Variants in SMARCC1 observed in about 807,000 individuals in gnomAD.
The protein encoded by SMARCC1 is SWI/SNF complex subunit SMARCC1.
SMARCC1 carries 43 observed loss-of-function variants against 147.4 expected under a neutral mutation model. The observed-to-expected ratio is 0.29, with a 90% CI of 0.23 to 0.38. SMARCC1 has a LOEUF of 0.38. SMARCC1 is among the 10% of genes least tolerant of loss of function. The probability of loss-of-function intolerance (pLI) is 1.00; values close to 1 mark genes in which losing one functional copy is unlikely to be tolerated. For missense variants in SMARCC1, 1,119 were observed against 1,381.1 expected, an observed-to-expected ratio of 0.81 and a Z score of 3.01; for synonymous variants, 495 against 484.4, an observed-to-expected ratio of 1.02 and a Z score of -0.29.
At chr3:47,713,664 A>T (rs1325566616) in intron 8 of SMARCC1, among the ~76,000 whole-genome samples, 1 of 151,942 alleles carries the variant, frequency 6.6e-6, no homozygotes, top group Non-Finnish European at 1.5e-5. Context: ...AAGTGTTGTT[A>T]TTACAGGTGT....
intron 7 of SMARCC1, among the ~76,000 whole-genome samples, chr3:47,715,853 T>G (rs185176712): frequency 6.6e-6 from 1 of 152,152 alleles, no homozygotes; most frequent in Non-Finnish European, 1.5e-5. Flanking sequence ...CTACACAGAT[T>G]GCTCCCTCAC....
In SMARCC1 at chr3:47,708,871, C is replaced by T. The variant is rs1019022268; in HGVS notation, c.918+1812G>A. On this transcript the variant is annotated intron_variant, in intron 9 of 27. Transcript: ENST00000254480. The stretch of plus-strand genomic sequence containing the variant: ...CCCAGGCTGGTCTCAAACTTCTGGG[C>T]TCAAACTATCCTCCTACCTCGGCCT... Among the ~76,000 whole-genome samples, 10 of 152,288 alleles carry T rather than the reference C, an allele frequency of 6.6e-5. No homozygotes were observed. The South Asian group carries it at 1.2e-3, about 19-fold the overall frequency.
At chr3:47,591,050 CTGATTAT>C (rs992756155) in intron 26 of SMARCC1, among the ~76,000 whole-genome samples, 13 of 152,140 alleles carry the variant, frequency 8.5e-5, no homozygotes, top group Non-Finnish European at 2.9e-5. Flanking sequence ...TGTGGAATGA[CTGATTAT>C]TCTAAACACT....
At chr3:47,634,031 T>C in intron 24 of SMARCC1, among the ~76,000 whole-genome samples, 1 of 152,078 alleles carries the variant, frequency 6.6e-6, no homozygotes, top group East Asian at 1.9e-4. Context: ...TAGCCGTCAC[T>C]TAAGCAAGCA....
chr3:47,628,990 A>G, intron 24 of SMARCC1, among the ~76,000 whole-genome samples: 1 of 152,244 alleles, frequency 6.6e-6, no homozygotes, highest in East Asian at 1.9e-4. Flanking sequence ...TTTAATGGAA[A>G]AGGAAAAAGA....
intron 26 of SMARCC1, among the ~76,000 whole-genome samples, chr3:47,593,504 T>A (rs573866941): frequency 6.6e-6 from 1 of 152,286 alleles, no homozygotes; most frequent in African/African-American, 2.4e-5. Flanking sequence ...AATTATATTC[T>A]CTACAGAATA....
intron 10 of SMARCC1, 30 bp from the exon 11 acceptor site, chr3:47,701,432 C>G: frequency 6.2e-7 from 1 of 1,606,218 alleles, no homozygotes; most frequent in Non-Finnish European, 8.5e-7. Flanking sequence ...GAAATATAAA[C>G]AAGACTGATT....
chr3:47,736,377 C>T (rs2034443029), intron 4 of SMARCC1, among the ~76,000 whole-genome samples: 1 of 152,052 alleles, frequency 6.6e-6, no homozygotes, highest in African/African-American at 2.4e-5. Flanking sequence ...GAAGGGATTA[C>T]AGTTAATCTT....
intron 21 of SMARCC1, among the ~76,000 whole-genome samples, chr3:47,657,349 C>T (rs559413549): frequency 3.9e-5 from 6 of 152,236 alleles, no homozygotes; most frequent in African/African-American, 7.2e-5. Flanking sequence ...TTTAAAAATA[C>T]GGAAATCACA....
In SMARCC1 at chr3:47,680,511, G is replaced by A. The variant is rs1227930691; in HGVS notation, c.1386-3C>T. On this transcript the variant is annotated splice_polypyrimidine_tract_variant and splice_region_variant and intron_variant, in intron 14 of 27. Transcript: ENST00000254480. ...CACGCCGTTCAATCACATGAATACT[G>A]AAAAGAAGAAGAAAAAAAGATTTAG... 8.2e-7 allele frequency: 1 copy of A among 1,216,636 alleles called. No individual in the cohort carries two copies. Among genetic ancestry groups the A allele is most frequent in the South Asian group, 1.3e-5 (1 of 78,652 alleles). The allele number at this position is 1,216,636 out of a possible 1,614,324, so 75.4% of individuals were successfully genotyped here. A position where few individuals can be genotyped will look rare whatever the true frequency, so the allele number is the denominator to read the frequency against.
chr3:47,636,068 A>AT lies in SMARCC1; in HGVS notation c.2444dup (p.Asn815LysfsTer2). 3 of 1,608,110 alleles carry AT rather than the reference A, an allele frequency of 1.9e-6. No homozygotes were observed. The highest frequency in any genetic ancestry group is 2.6e-6 in the Non-Finnish European group (3 of 1,175,666). On this transcript the variant is annotated frameshift_variant, in exon 23 of 28. Coordinates refer to ENST00000254480, the MANE Select transcript of SMARCC1 (RefSeq NM_003074.4). LOFTEE classifies it high-confidence loss of function. ...CTTCACTATCCTGTTCCTTTTCACT[A>AT]TTTTTTTCATTTTCTCCATCTTGTG...
chr3:47,597,739 G>T (rs534759469), intron 26 of SMARCC1, among the ~76,000 whole-genome samples: 1 of 152,336 alleles, frequency 6.6e-6, no homozygotes, highest in East Asian at 1.9e-4. Context: ...TGGGACTATG[G>T]GTGTGAGCTA....
At chr3:47,651,811 G>A (rs1365818015) in intron 21 of SMARCC1, among the ~76,000 whole-genome samples, 1 of 152,134 alleles carries the variant, frequency 6.6e-6, no homozygotes, top group Non-Finnish European at 1.5e-5. Flanking sequence ...AAAATATAAA[G>A]GGGAGAAATT....
chr3:47,603,184 G>A (rs952126596), intron 26 of SMARCC1, among the ~76,000 whole-genome samples: 14 of 152,256 alleles, frequency 9.2e-5, no homozygotes, highest in South Asian at 2.1e-4. Flanking sequence ...CACTTTGGGA[G>A]GCTGAGGCGG....
At chr3:47,623,736 A>G (rs1295015440) in intron 24 of SMARCC1, among the ~76,000 whole-genome samples, 1 of 152,226 alleles carries the variant, frequency 6.6e-6, no homozygotes, top group African/African-American at 2.4e-5. Flanking sequence ...AAAGAGGTAT[A>G]AAATAAAAAG....
At chr3:47,714,591 A>C (rs909444297) in intron 7 of SMARCC1, 101 bp from the exon 8 acceptor site, 14 of 655,794 alleles carry the variant, frequency 2.1e-5, no homozygotes, top group African/African-American at 5.6e-5. Flanking sequence ...ATACTACTAA[A>C]ATCCCAGCCT....
chr3:47,710,594 T>C lies in SMARCC1; in HGVS notation c.918+89A>G, dbSNP rs951000751. ...GCAGATGTGAAAGTTCCTAAGTGGT[T>C]TGTATATGACAGCTTACTGATGAAG... On this transcript the variant is annotated intron_variant, in intron 9 of 27. Transcript: ENST00000254480. The C allele has an allele frequency of 1.1e-5, 15 of 1,319,208 alleles. No homozygotes were observed. The East Asian group carries it at 3.3e-4, about 29-fold the overall frequency. The allele number at this position is 1,319,208 out of a possible 1,614,324, so 81.7% of individuals were successfully genotyped here. A position where few individuals can be genotyped will look rare whatever the true frequency, so the allele number is the denominator to read the frequency against.
chr3:47,614,979 T>C (rs1315378270), intron 25 of SMARCC1, among the ~76,000 whole-genome samples: 2 of 152,330 alleles, frequency 1.3e-5, no homozygotes, highest in African/African-American at 2.4e-5. Flanking sequence ...TCTCTGAACA[T>C]GTCAGTCATA....
intron 26 of SMARCC1, among the ~76,000 whole-genome samples, chr3:47,599,138 G>A (rs2032346096): frequency 1.3e-5 from 2 of 152,140 alleles, no homozygotes; most frequent in Non-Finnish European, 2.9e-5. Flanking sequence ...TATAATCCCA[G>A]CACTTTGGGG....
Sources: gnomAD v4.1 joint callset for allele counts (sites outside exome capture counted in the v4.1 genomes callset) on GRCh38, gnomAD v4.1.1 for gene constraint, MANE v1.5 for transcripts, NCBI Gene and HGNC (gene_info 2026-07-23, HGNC 2026-07-21) for gene names.